Variants in KCNIP4 observed in about 807,000 individuals in gnomAD.
KCNIP4 encodes the protein potassium voltage-gated channel interacting protein 4.
Under a neutral mutation model 34.0 loss-of-function variants are expected in KCNIP4, and 12 were observed. That is an observed-to-expected ratio of 0.35 (90% CI 0.23 to 0.57). The LOEUF (loss-of-function observed/expected upper bound fraction) is 0.57. Among genes scored for constraint, KCNIP4 ranks in the 20% least tolerant of loss-of-function variants. The pLI is 0.83. For synonymous variants in KCNIP4, 124 were observed against 102.2 expected, an observed-to-expected ratio of 1.21 and a Z score of -1.29; for missense variants, 238 against 311.7, an observed-to-expected ratio of 0.76 and a Z score of 1.78.
intron 1 of KCNIP4, among the ~76,000 whole-genome samples, chr4:21,229,555 T>C (rs1295270876): frequency 6.6e-6 from 1 of 152,180 alleles, no homozygotes; most frequent in African/African-American, 2.4e-5. Context: ...TTATAAGAAC[T>C]TATCATCTAT....
At chr4:21,090,334 G>A (rs1416162122) in intron 1 of KCNIP4, among the ~76,000 whole-genome samples, 1 of 152,168 alleles carries the variant, frequency 6.6e-6, no homozygotes, top group Non-Finnish European at 1.5e-5. Flanking sequence ...GAATGAGGAA[G>A]TGGAACAGTT....
chr4:21,032,133 T>C (rs1214176342), intron 1 of KCNIP4, among the ~76,000 whole-genome samples: 1 of 152,098 alleles, frequency 6.6e-6, no homozygotes, highest in East Asian at 1.9e-4. Flanking sequence ...TGTGTAACTG[T>C]CCTCCTGGAA....
At chr4:21,687,823 CTAGGTG>C (rs1377188663) in intron 1 of KCNIP4, among the ~76,000 whole-genome samples, 2 of 152,106 alleles carry the variant, frequency 1.3e-5, no homozygotes, top group Admixed American at 1.3e-4. Context: ...AAATGTCTCA[CTAGGTG>C]ATATCTGAGC....
At chr4:21,776,814 G>A (rs558151619) in intron 1 of KCNIP4, among the ~76,000 whole-genome samples, 1 of 152,212 alleles carries the variant, frequency 6.6e-6, no homozygotes, top group Admixed American at 6.5e-5. Context: ...TGTCACCCAA[G>A]CTGGAGTATA....
At chr4:21,927,758 G>C (rs1729341407) in intron 1 of KCNIP4, among the ~76,000 whole-genome samples, 1 of 152,084 alleles carries the variant, frequency 6.6e-6, no homozygotes, top group Non-Finnish European at 1.5e-5. Context: ...ACAAATTTGA[G>C]AGAATCTGAC....
chr4:21,723,189 T>A (rs1393133000), intron 1 of KCNIP4, among the ~76,000 whole-genome samples: 1 of 152,164 alleles, frequency 6.6e-6, no homozygotes, highest in Non-Finnish European at 1.5e-5. Flanking sequence ...GCATGTGGAC[T>A]CAGATTTCAC....
At chr4:21,207,232 A>G (rs1756914158) in intron 1 of KCNIP4, among the ~76,000 whole-genome samples, 1 of 152,212 alleles carries the variant, frequency 6.6e-6, no homozygotes. Flanking sequence ...ATATTTTAAA[A>G]TGTAAGAGAA....
At chr4:21,477,295 G>T (rs1731067359) in intron 1 of KCNIP4, among the ~76,000 whole-genome samples, 1 of 152,110 alleles carries the variant, frequency 6.6e-6, no homozygotes, top group Non-Finnish European at 1.5e-5. Flanking sequence ...TCAGGATTGT[G>T]CCTGACAGAC....
At chr4:21,706,847 G>A (rs1713309426) in intron 1 of KCNIP4, among the ~76,000 whole-genome samples, 1 of 152,070 alleles carries the variant, frequency 6.6e-6, no homozygotes, top group Admixed American at 6.6e-5. Context: ...CACACCATGG[G>A]GCTGCAAAGA....
intron 1 of KCNIP4, among the ~76,000 whole-genome samples, chr4:20,914,515 G>A (rs1728622287): frequency 1.3e-5 from 2 of 151,980 alleles, no homozygotes; most frequent in African/African-American, 4.8e-5. Flanking sequence ...CAGAACTGTG[G>A]GAAATAAATT....
At chr4:21,738,421 T>C (rs575018137) in intron 1 of KCNIP4, among the ~76,000 whole-genome samples, 1 of 152,320 alleles carries the variant, frequency 6.6e-6, no homozygotes, top group South Asian at 2.1e-4. Flanking sequence ...GGGAAATTGC[T>C]GACTTAATAA....
At chr4:20,935,864 T>C in intron 1 of KCNIP4, among the ~76,000 whole-genome samples, 1 of 152,178 alleles carries the variant, frequency 6.6e-6, no homozygotes, top group East Asian at 1.9e-4. Context: ...CAGCTTCTAC[T>C]TTCTAGCCAG....
chr4:21,286,464 G>A (rs1052797156), intron 1 of KCNIP4, among the ~76,000 whole-genome samples: 13 of 152,188 alleles, frequency 8.5e-5, no homozygotes, highest in Non-Finnish European at 8.8e-5. Context: ...AGGCAAGTAT[G>A]AGGCAGAGAC....
chr4:21,547,423 C>T (rs1186057155), intron 1 of KCNIP4, among the ~76,000 whole-genome samples: 1 of 152,030 alleles, frequency 6.6e-6, no homozygotes, highest in Non-Finnish European at 1.5e-5. Context: ...GACACATGCA[C>T]TTTTTAAAAA....
intron 1 of KCNIP4, among the ~76,000 whole-genome samples, chr4:21,668,052 T>C (rs993411706): frequency 1.6e-4 from 25 of 152,154 alleles, no homozygotes; most frequent in Admixed American, 1.5e-3. Context: ...TATGCAGCCA[T>C]AAAAAGGAAT....
At chr4:21,406,912 T>C (rs1207870294) in intron 1 of KCNIP4, among the ~76,000 whole-genome samples, 2 of 152,178 alleles carry the variant, frequency 1.3e-5, no homozygotes, top group Admixed American at 6.6e-5. Flanking sequence ...TTACTGACTT[T>C]TAGGTTGATG....
chr4:21,063,496 A>G (rs1416135132), intron 1 of KCNIP4, among the ~76,000 whole-genome samples: 1 of 152,098 alleles, frequency 6.6e-6, no homozygotes, highest in Non-Finnish European at 1.5e-5. Context: ...GTCTTCATCC[A>G]TATCTCTTGT....
intron 1 of KCNIP4, among the ~76,000 whole-genome samples, chr4:21,408,380 G>A (rs1724186173): frequency 6.6e-6 from 1 of 152,068 alleles, no homozygotes; most frequent in Non-Finnish European, 1.5e-5. Context: ...TGAATTTAGA[G>A]CAACGTAAAT....
At chr4:21,269,087 C>CG (rs1292769227) in intron 1 of KCNIP4, among the ~76,000 whole-genome samples, 1 of 151,994 alleles carries the variant, frequency 6.6e-6, no homozygotes, top group African/African-American at 2.4e-5. Context: ...AGGAGCCTGC[C>CG]CATGGTTTTA....
Sources: allele counts gnomAD v4.1 joint callset (sites outside exome capture counted in the v4.1 genomes callset), GRCh38; gene constraint gnomAD v4.1.1; transcripts MANE v1.5; gene names NCBI Gene and HGNC (gene_info 2026-07-23, HGNC 2026-07-21).